IFRD1: variants seen among roughly 807,000 people sequenced by gnomAD.
The protein encoded by IFRD1 is interferon related developmental regulator 1, also known as interferon-related developmental regulator 1.
In IFRD1, 35 loss-of-function variants were observed where a neutral mutation model predicts 52.9. The observed-to-expected ratio is 0.66, with a 90% confidence interval of 0.51 to 0.88. The LOEUF (loss-of-function observed/expected upper bound fraction) is 0.88, where lower values mean the gene tolerates loss of function less well. Ranked by LOEUF, IFRD1 falls within the 40% of genes least tolerant of loss-of-function variation. The pLI is 0.00. For synonymous variants in IFRD1, 184 were observed against 188.4 expected, an observed-to-expected ratio of 0.98 and a Z score of 0.19; for missense variants, 517 against 550.8, an observed-to-expected ratio of 0.94 and a Z score of 0.61.
At chr7:112,462,480 A>G in intron 8 of IFRD1, 102 bp downstream of exon 8, 2 of 794,960 alleles carry the variant, frequency 2.5e-6, no homozygotes, top group African/African-American at 1.7e-5. Flanking sequence ...GAACATGGCC[A>G]GCTTGAGAAC....
chr7:112,454,198 CTT>C (rs879460473), intron 1 of IFRD1, among the ~76,000 whole-genome samples: 6 of 145,870 alleles, frequency 4.1e-5, no homozygotes, highest in African/African-American at 1.2e-4. Context: ...AGCATTGGTA[CTT>C]TTTTTTTTTT....
At chr7:112,470,676 A>C (rs999242569) in intron 9 of IFRD1, among the ~76,000 whole-genome samples, 13 of 152,250 alleles carry the variant, frequency 8.5e-5, no homozygotes, top group Non-Finnish European at 1.6e-4. Flanking sequence ...TCCCCCTCAG[A>C]TACCAAAATT....
At chr7:112,460,252 T>TG (rs1371271199) in intron 5 of IFRD1, among the ~76,000 whole-genome samples, 67 of 144,060 alleles carry the variant, frequency 4.7e-4, no homozygotes, top group Non-Finnish European at 9.4e-4. Flanking sequence ...TTTTTTTTTT[T>TG]TTTTTTTTTT....
At chr7:112,456,836 A>G in intron 3 of IFRD1, 78 bp from the exon 4 acceptor site, 1 of 1,367,522 alleles carries the variant, frequency 7.3e-7, no homozygotes, top group Non-Finnish European at 1.0e-6. Flanking sequence ...TAAAGTTTAG[A>G]AGGAAATAAG....
At chr7:112,443,628 T>C (rs1377153975) in intron 1 of IFRD1, among the ~76,000 whole-genome samples, 1 of 151,276 alleles carries the variant, frequency 6.6e-6, no homozygotes, top group African/African-American at 2.4e-5. Flanking sequence ...TCCCAGCACT[T>C]TGGGAGGTCG....
chr7:112,447,515 A>C (rs1479633330), upstream of IFRD1, among the ~76,000 whole-genome samples: 1 of 152,220 alleles, frequency 6.6e-6, no homozygotes, highest in Non-Finnish European at 1.5e-5. Flanking sequence ...CTTGTGTTCT[A>C]AACTTCCTTG....
chr7:112,475,038 AAC>A, intron 11 of IFRD1, among the ~76,000 whole-genome samples: 1 of 152,010 alleles, frequency 6.6e-6, no homozygotes, highest in South Asian at 2.1e-4. Context: ...GGCTCACTGC[AAC>A]CTCTGCCTCT....
rs1563268805 is a variant in IFRD1 at position 112,462,263 on chromosome 7, T to C, written c.798-7T>C. On this transcript the variant is annotated splice_region_variant and splice_polypyrimidine_tract_variant and intron_variant, in intron 7 of 11. Transcript: ENST00000403825. ...TATTCACATAGTAATGACTAACTATTTTTTAGGCATTTCCATAAGCTTCCA... is the reference window on the plus strand; with the variant it reads ...TATTCACATAGTAATGACTAACTATCTTTTAGGCATTTCCATAAGCTTCCA... 20 of 1,611,964 alleles carry C rather than the reference T, an allele frequency of 1.2e-5. No individual in the cohort carries two copies. The highest frequency in any genetic ancestry group is 1.7e-5 in the Non-Finnish European group (20 of 1,178,298).
chr7:112,451,339 G>A (rs2117280607), intron 1 of IFRD1, among the ~76,000 whole-genome samples: 1 of 152,362 alleles, frequency 6.6e-6, no homozygotes, highest in African/African-American at 2.4e-5. Context: ...CACCTGGCCA[G>A]GCGAAGGCGT....
intron 1 of IFRD1, among the ~76,000 whole-genome samples, chr7:112,453,715 C>A (rs747122244): frequency 1.3e-5 from 2 of 152,140 alleles, no homozygotes; most frequent in Non-Finnish European, 2.9e-5. Context: ...GTCCTAAGCA[C>A]TCCAAGAAAT....
intron 1 of IFRD1, among the ~76,000 whole-genome samples, chr7:112,431,804 T>A (rs16873388): frequency 0.011 from 1,695 of 152,340 alleles, 35 homozygotes; most frequent in African/African-American, 0.039. Flanking sequence ...TACGATCTTT[T>A]TGGAAACTCC....
upstream of IFRD1, among the ~76,000 whole-genome samples, chr7:112,448,327 G>GA (rs1357992947): frequency 6.6e-6 from 1 of 152,132 alleles, no homozygotes; most frequent in Non-Finnish European, 1.5e-5. Flanking sequence ...AAGGGATTTG[G>GA]AAAAAAAGCC....
intron 1 of IFRD1, among the ~76,000 whole-genome samples, chr7:112,424,559 C>T (rs927229842): frequency 2.0e-5 from 3 of 151,630 alleles, no homozygotes; most frequent in African/African-American, 7.3e-5. Flanking sequence ...GGACTACAGG[C>T]GGCTGCCACC....
At chr7:112,444,377 T>C (rs1794970003) in intron 1 of IFRD1, among the ~76,000 whole-genome samples, 1 of 151,786 alleles carries the variant, frequency 6.6e-6, no homozygotes, top group Admixed American at 6.6e-5. Context: ...GCTTAAAGAG[T>C]TCTAACTAAA....
upstream of IFRD1, among the ~76,000 whole-genome samples, chr7:112,446,712 A>C (rs1023967419): frequency 3.3e-5 from 5 of 152,124 alleles, no homozygotes; most frequent in Admixed American, 3.3e-4. Context: ...TATCAGGCAG[A>C]GGGAGGAGCT....
intron 9 of IFRD1, among the ~76,000 whole-genome samples, chr7:112,468,913 A>T (rs1795681006): frequency 6.6e-6 from 1 of 152,242 alleles, no homozygotes; most frequent in Non-Finnish European, 1.5e-5. Context: ...TGTAATCCTC[A>T]AACCTGTTTC....
chr7:112,450,857 G>C lies in IFRD1; in HGVS notation c.94+75G>C, dbSNP rs114991902. On this transcript the variant is annotated intron_variant, in intron 1 of 11. Coordinates refer to ENST00000403825, the MANE Select transcript of IFRD1 (RefSeq NM_001550.4). ...AGTCTTCCATGCTTCGGCACGGTGG[G>C]AGTTGTAGTTCTTTCTCTGATGTAC... is the stretch of plus-strand genomic sequence containing the variant. The C allele has an allele frequency of 3.4e-4, 347 of 1,018,706 alleles. 2 individuals carry two copies. The African/African-American group carries it at 5.0e-3, about 15-fold the overall frequency. 63.1% of individuals were successfully genotyped at this position (1,018,706 alleles called of 1,614,324 possible).
intron 1 of IFRD1, chr7:112,451,169 C>T (rs879889111): frequency 5.2e-6 from 1 of 194,004 alleles, no homozygotes; most frequent in Admixed American, 6.0e-5. Flanking sequence ...GAGCCCGTGC[C>T]GTCACTGGCC....
chr7:112,467,880 A>G, intron 8 of IFRD1, 101 bp from the exon 9 acceptor site: 1 of 1,092,226 alleles, frequency 9.2e-7, no homozygotes, highest in South Asian at 1.3e-5. Context: ...TGCCTTATGC[A>G]ACTGGATATT....
Sources: gnomAD v4.1 joint callset for allele counts (sites outside exome capture counted in the v4.1 genomes callset) on GRCh38, gnomAD v4.1.1 for gene constraint, MANE v1.5 for transcripts, NCBI Gene and HGNC (gene_info 2026-07-23, HGNC 2026-07-21) for gene names.